CFAP69: variants seen among roughly 807,000 people sequenced by gnomAD.
CFAP69 encodes the protein cilia and flagella associated protein 69, also known as cilia- and flagella-associated protein 69.
A neutral mutation model predicts 123.0 loss-of-function variants in CFAP69; 92 were observed. The ratio of observed to expected loss-of-function variants is 0.75; its 90% CI spans 0.63 to 0.89. CFAP69 has a LOEUF of 0.89. Ranked by LOEUF, CFAP69 falls within the 40% of genes least tolerant of loss-of-function variation. The pLI is 0.00. For missense variants in CFAP69, 1,067 were observed against 1,096.9 expected (o/e 0.97, Z 0.39); for synonymous variants, 380 against 364.3 (o/e 1.04, Z -0.49).
chr7:90,320,685 C>A, the CFAP69 span: 3 of 152,294 alleles, frequency 2.0e-5, no homozygotes, highest in African/African-American at 7.2e-5. Context: ...ACTCACCTTT[C>A]CCCCCGTACA....
rs1800119322 is a variant in CFAP69 at position 90,272,625 on chromosome 7, A to G, written c.860+667A>G. On this transcript the variant is annotated intron_variant, in intron 8 of 22. Transcript: ENST00000389297. ...TAGAAAATTTATGGCTTATTTAACT[A>G]CAAAGTCAAGGATAAAACTGGTTTC... 2.0e-5 allele frequency among the ~76,000 whole-genome samples: 3 copies of G among 152,274 alleles called. No individual in the cohort carries two copies. The South Asian group carries it at 6.2e-4, about 32-fold the overall frequency.
At chr7:90,250,498 A>G (rs1796889277) in intron 1 of CFAP69, among the ~76,000 whole-genome samples, 1 of 152,204 alleles carries the variant, frequency 6.6e-6, no homozygotes, top group South Asian at 2.1e-4. Context: ...CTGAGTATCA[A>G]ATGAGCAGGT....
At chr7:90,271,505 T>G (rs1309070245) in intron 6 of CFAP69, 21 bp from the exon 7 acceptor site, 1 of 1,600,368 alleles carries the variant, frequency 6.2e-7, no homozygotes, top group South Asian at 1.1e-5. Context: ...CTGTATGTAT[T>G]TATTAATGAA....
At chr7:90,287,205 T>C (rs1036294004) in intron 14 of CFAP69, among the ~76,000 whole-genome samples, 1 of 152,182 alleles carries the variant, frequency 6.6e-6, no homozygotes, top group Admixed American at 6.5e-5. Context: ...TGTTTATCTG[T>C]TCCCCTATTG....
rs1799955437 is a variant in CFAP69 at position 90,271,587 on chromosome 7, A to T, written c.594A>T (p.Lys198Asn). 6.2e-7 allele frequency: 1 copy of T among 1,613,420 alleles called. No individual in the cohort carries two copies. The highest frequency in any genetic ancestry group is 8.5e-7 in the Non-Finnish European group (1 of 1,179,674). Residue 198 changes from lysine to asparagine, a missense_variant, in exon 7 of 23, where the codon AAA becomes AAT. Transcript: ENST00000389297. ...IQMAEVGGLA[K>N]TMVQSMTLLE... The stretch of plus-strand genomic sequence containing the variant: ...TGGCTGAAGTTGGAGGATTAGCAAA[A>T]ACAATGGTCCAGTCAATGACCTTGC...
intron 1 of CFAP69, among the ~76,000 whole-genome samples, chr7:90,248,082 G>A (rs1198812831): frequency 6.6e-6 from 1 of 152,198 alleles, no homozygotes; most frequent in Non-Finnish European, 1.5e-5. Context: ...GGATGTGAGA[G>A]TGAGACTGGA....
downstream of CFAP69, among the ~76,000 whole-genome samples, chr7:90,311,353 C>A (rs1320487609): frequency 6.6e-6 from 1 of 152,120 alleles, no homozygotes; most frequent in Non-Finnish European, 1.5e-5. Context: ...AGTCTAGATT[C>A]TGGGCCCATG....
At chr7:90,266,412 A>G (rs547092966) in intron 5 of CFAP69, among the ~76,000 whole-genome samples, 4 of 152,270 alleles carry the variant, frequency 2.6e-5, no homozygotes, top group South Asian at 2.1e-4. Flanking sequence ...AATCTCTATC[A>G]TCAGCAGAAA....
chr7:90,256,769 C>G (rs757904798), intron 2 of CFAP69, among the ~76,000 whole-genome samples: 1 of 152,136 alleles, frequency 6.6e-6, no homozygotes, highest in Non-Finnish European at 1.5e-5. Context: ...AAAACCACAA[C>G]TGCATAGAGT....
At chr7:90,300,478 A>G in intron 17 of CFAP69, 1 of 773,312 alleles carries the variant, frequency 1.3e-6, no homozygotes, top group Non-Finnish European at 1.6e-6. Context: ...TGATCTGATT[A>G]ATGTTTATAG....
intron 5 of CFAP69, chr7:90,266,142 A>T (rs1485742148): frequency 6.6e-6 from 1 of 152,188 alleles, no homozygotes; most frequent in African/African-American, 2.4e-5. Context: ...ATTATACTCC[A>T]TATAGAAAGA....
chr7:90,282,578 C>T (rs1038758342), intron 12 of CFAP69, among the ~76,000 whole-genome samples: 43 of 151,932 alleles, frequency 2.8e-4, no homozygotes, highest in Non-Finnish European at 4.1e-4. Flanking sequence ...AATGCTGAAA[C>T]GAATTAAAAT....
intron 1 of CFAP69, among the ~76,000 whole-genome samples, 179 bp from the exon 2 acceptor site, chr7:90,255,244 A>G (rs2116634523): frequency 6.6e-6 from 1 of 152,270 alleles, no homozygotes; most frequent in South Asian, 2.1e-4. Context: ...GGGGTTTTTT[A>G]CTCCAAAATC....
intron 9 of CFAP69, among the ~76,000 whole-genome samples, chr7:90,274,810 T>C (rs1051783070): frequency 2.0e-5 from 3 of 152,218 alleles, no homozygotes; most frequent in African/African-American, 7.2e-5. Flanking sequence ...TCCTTTGTAT[T>C]TGTTCTGCTT....
intron 15 of CFAP69, among the ~76,000 whole-genome samples, chr7:90,294,619 C>A (rs1459346716): frequency 1.3e-5 from 2 of 151,744 alleles, no homozygotes; most frequent in Non-Finnish European, 2.9e-5. Flanking sequence ...ACGAGGGAAA[C>A]CTCGTCCAGT....
chr7:90,268,991 A>G (rs1799561109), intron 6 of CFAP69: 1 of 152,094 alleles, frequency 6.6e-6, no homozygotes, highest in South Asian at 2.1e-4. Context: ...ATGATTCTTA[A>G]TATAGGTGGA....
chr7:90,298,606 A>G (rs1051741483), intron 16 of CFAP69, among the ~76,000 whole-genome samples: 1 of 152,174 alleles, frequency 6.6e-6, no homozygotes, highest in Admixed American at 6.6e-5. Context: ...AACCTCCCTG[A>G]AAGTTAGTTC....
At chr7:90,301,979 C>T (rs1233135399) in intron 17 of CFAP69, 1 of 152,010 alleles carries the variant, frequency 6.6e-6, no homozygotes, top group East Asian at 1.9e-4. Context: ...CACAACCTTG[C>T]CGGTATGTTA....
chr7:90,313,521 G>T (rs1452948348), downstream of CFAP69, among the ~76,000 whole-genome samples: 2 of 152,162 alleles, frequency 1.3e-5, no homozygotes, highest in Non-Finnish European at 2.9e-5. Flanking sequence ...ATGAGCCAGG[G>T]CTTCTTGGAG....
Sources: allele counts gnomAD v4.1 joint callset (sites outside exome capture counted in the v4.1 genomes callset), GRCh38; gene constraint gnomAD v4.1.1; transcripts MANE v1.5; gene names NCBI Gene and HGNC (gene_info 2026-07-23, HGNC 2026-07-21).